P3H2: variants seen among roughly 807,000 people sequenced by gnomAD.
The protein encoded by P3H2 is prolyl 3-hydroxylase 2.
A neutral mutation model predicts 87.0 loss-of-function variants in P3H2; 80 were observed. The observed-to-expected ratio is 0.92, with a 90% CI of 0.77 to 1.11. The LOEUF (loss-of-function observed/expected upper bound fraction) is 1.11, where lower values mean the gene tolerates loss of function less well. Ranked by LOEUF, P3H2 falls within the 50% of genes least tolerant of loss-of-function variation. The probability of loss-of-function intolerance (pLI) is 0.00; values close to 1 mark genes in which losing one functional copy is unlikely to be tolerated. For synonymous variants in P3H2, 367 were observed against 359.3 expected (o/e 1.02, Z -0.24); for missense variants, 1,001 against 923.9 (o/e 1.08, Z -1.08).
At chr3:190,056,811 C>T (rs1483016888) in intron 1 of P3H2, among the ~76,000 whole-genome samples, 1 of 152,198 alleles carries the variant, frequency 6.6e-6, no homozygotes, top group African/African-American at 2.4e-5. Context: ...CACGCAGCTG[C>T]TCTGGGCCTC....
chr3:190,096,790 T>C (rs1727603168), intron 1 of P3H2, among the ~76,000 whole-genome samples: 2 of 152,104 alleles, frequency 1.3e-5, no homozygotes, highest in South Asian at 2.1e-4. Flanking sequence ...GTGGGGTGAA[T>C]TGCTAAATTT....
chr3:190,063,501 A>T (rs968435801), intron 1 of P3H2, among the ~76,000 whole-genome samples: 1 of 152,204 alleles, frequency 6.6e-6, no homozygotes, highest in Non-Finnish European at 1.5e-5. Context: ...TTTAAAAATC[A>T]TACCTGCAGT....
At chr3:189,973,587 G>A (rs942056919) in intron 10 of P3H2, among the ~76,000 whole-genome samples, 3 of 140,938 alleles carry the variant, frequency 2.1e-5, no homozygotes, top group Non-Finnish European at 4.5e-5. Context: ...GCAGTGGCGC[G>A]ATCTCGGCTC....
At chr3:190,107,507 T>C (rs1159824309) in intron 1 of P3H2, among the ~76,000 whole-genome samples, 3 of 152,314 alleles carry the variant, frequency 2.0e-5, no homozygotes, top group African/African-American at 7.2e-5. Context: ...TTTTGTCCTT[T>C]CATCAACCCT....
At chr3:190,102,018 A>C (rs1488247258) in intron 1 of P3H2, among the ~76,000 whole-genome samples, 1 of 152,202 alleles carries the variant, frequency 6.6e-6, no homozygotes, top group African/African-American at 2.4e-5. Flanking sequence ...AGACTGGATG[A>C]CATCATATCT....
At chr3:190,036,945 A>AAT (rs5855294) in intron 1 of P3H2, among the ~76,000 whole-genome samples, 121,381 of 150,442 alleles carry the variant, frequency 0.81, 48,981 homozygotes, top group East Asian at 0.86. Flanking sequence ...GAAAGATAAA[A>AAT]ATATATATAT....
chr3:190,077,926 G>A, intron 1 of P3H2, among the ~76,000 whole-genome samples: 1 of 152,124 alleles, frequency 6.6e-6, no homozygotes, highest in Non-Finnish European at 1.5e-5. Context: ...GATTGCAACT[G>A]ATGAGGCATA....
At chr3:190,050,411 C>G (rs924948026) in intron 1 of P3H2, among the ~76,000 whole-genome samples, 1 of 152,180 alleles carries the variant, frequency 6.6e-6, no homozygotes, top group African/African-American at 2.4e-5. Flanking sequence ...TTAATCCTCT[C>G]TACTTGTCAA....
chr3:189,964,236 T>A, intron 13 of P3H2, 138 bp from the exon 14 acceptor site: 1 of 802,538 alleles, frequency 1.2e-6, no homozygotes, highest in Non-Finnish European at 2.1e-6. Context: ...GAAGATGATG[T>A]AAATTATCTC....
chr3:190,065,951 T>C (rs1433865214), intron 1 of P3H2, among the ~76,000 whole-genome samples: 1 of 152,142 alleles, frequency 6.6e-6, no homozygotes, highest in African/African-American at 2.4e-5. Context: ...CATCTTGATT[T>C]CATTGTTGGC....
rs181713245 is a variant in P3H2, at chr3:190,065,929, T to C, written c.480+54323A>G. ...CACTATTGTCGTTCAGGTAGAAGAATTTTTAAATTTCCATCTTGATTTCAT... is the reference window on the plus strand; with the variant it reads ...CACTATTGTCGTTCAGGTAGAAGAACTTTTAAATTTCCATCTTGATTTCAT... On this transcript the variant is annotated intron_variant, in intron 1 of 14. Coordinates refer to ENST00000319332, the MANE Select transcript of P3H2 (RefSeq NM_018192.4). Among the ~76,000 whole-genome samples the C allele has an allele frequency of 1.1e-3, 172 of 152,220 alleles. 1 individual carries two copies. Among genetic ancestry groups the C allele is most frequent in the Non-Finnish European group, 1.6e-3 (107 of 68,006 alleles).
chr3:189,976,381 G>A (rs1723349844), intron 8 of P3H2, among the ~76,000 whole-genome samples: 1 of 152,198 alleles, frequency 6.6e-6, no homozygotes, highest in Non-Finnish European at 1.5e-5. Context: ...GGCAAAGAAG[G>A]AGAAAGTCAT....
At chr3:189,959,782 A>G (rs1174750082) in intron 14 of P3H2, among the ~76,000 whole-genome samples, 1 of 151,130 alleles carries the variant, frequency 6.6e-6, no homozygotes, top group Non-Finnish European at 1.5e-5. Flanking sequence ...TACCTTCTCT[A>G]TTACTACTCC....
chr3:190,109,116 A>G (rs1456975034), intron 1 of P3H2, among the ~76,000 whole-genome samples: 1 of 152,224 alleles, frequency 6.6e-6, no homozygotes, highest in African/African-American at 2.4e-5. Flanking sequence ...TTCGTGAGAC[A>G]GATATCAGAG....
intron 14 of P3H2, among the ~76,000 whole-genome samples, chr3:189,962,955 G>T (rs544573369): frequency 6.6e-6 from 1 of 152,342 alleles, no homozygotes; most frequent in East Asian, 1.9e-4. Context: ...AGGTCATCCA[G>T]TTAAGCCTCT....
At chr3:190,021,314 A>G (rs1560365707) in intron 1 of P3H2, among the ~76,000 whole-genome samples, 1 of 135,362 alleles carries the variant, frequency 7.4e-6, no homozygotes, top group Admixed American at 7.5e-5. Context: ...GTGGCTCATT[A>G]AAACAATAAT....
At chr3:190,051,169 G>T (rs554601712) in intron 1 of P3H2, among the ~76,000 whole-genome samples, 1 of 152,112 alleles carries the variant, frequency 6.6e-6, no homozygotes, top group Non-Finnish European at 1.5e-5. Flanking sequence ...CATTTGATGC[G>T]GGTACAGGTT....
chr3:189,990,104 G>A (rs564763737), intron 3 of P3H2, among the ~76,000 whole-genome samples: 159 of 152,152 alleles, frequency 1.0e-3, no homozygotes, highest in Non-Finnish European at 1.8e-3. Flanking sequence ...AGTTTGGCTT[G>A]GATCTTGGTG....
intron 3 of P3H2, among the ~76,000 whole-genome samples, chr3:189,991,440 T>C (rs945474653): frequency 9.9e-5 from 15 of 152,234 alleles, no homozygotes; most frequent in Non-Finnish European, 2.1e-4. Context: ...ACATGGAGTA[T>C]TTAACCATTT....
Sources: gnomAD v4.1 joint callset for allele counts (sites outside exome capture counted in the v4.1 genomes callset) on GRCh38, gnomAD v4.1.1 for gene constraint, MANE v1.5 for transcripts, NCBI Gene and HGNC (gene_info 2026-07-23, HGNC 2026-07-21) for gene names.